The following HEPACAM2 variants were observed in gnomAD, a reference collection of about 807,000 sequenced individuals.
HEPACAM2 encodes HEPACAM family member 2.
A neutral mutation model predicts 49.6 loss-of-function variants in HEPACAM2; 49 were observed. That is an observed-to-expected ratio of 0.99 (90% CI 0.78 to 1.25). The LOEUF is 1.25. HEPACAM2 is among the 50% of genes most tolerant of loss of function. The pLI, the probability that HEPACAM2 is intolerant of heterozygous loss-of-function variation, is 0.00. For synonymous variants in HEPACAM2, 197 were observed against 202.9 expected, an observed-to-expected ratio of 0.97 and a Z score of 0.25; for missense variants, 525 against 557.2, an observed-to-expected ratio of 0.94 and a Z score of 0.58.
rs559625445 is a variant in HEPACAM2, at chr7:93,190,880, G to A, written c.1385+1374C>T. On this transcript the variant is annotated intron_variant, in intron 9 of 9. Transcript: ENST00000394468. ...ACAATTTTGACTTAAAATTTATTTCGTTCTTAATAACCTTAAAAGATAAAC... is the reference window on the plus strand; with the variant it reads ...ACAATTTTGACTTAAAATTTATTTCATTCTTAATAACCTTAAAAGATAAAC... Among the ~76,000 whole-genome samples the A allele has an allele frequency of 4.0e-5, 6 of 151,544 alleles. No individual in the cohort carries two copies. In the Middle Eastern group the frequency reaches 0.01, roughly 259 times the overall value.
At chr7:93,229,043 A>G (rs1794585663), upstream of HEPACAM2, among the ~76,000 whole-genome samples, 1 of 152,228 alleles carries the variant, frequency 6.6e-6, no homozygotes, top group Non-Finnish European at 1.5e-5. Flanking sequence ...TTTTAATCAC[A>G]AGTAGCTAGC....
chr7:93,214,347 TA>T (rs1370805445), intron 3 of HEPACAM2, among the ~76,000 whole-genome samples: 2 of 152,130 alleles, frequency 1.3e-5, no homozygotes, highest in Non-Finnish European at 2.9e-5. Flanking sequence ...AATTACCAAT[TA>T]ATGAGTCAAA....
chr7:93,231,066 G>A (rs1407849855), upstream of HEPACAM2, among the ~76,000 whole-genome samples: 2 of 152,126 alleles, frequency 1.3e-5, no homozygotes, highest in African/African-American at 4.8e-5. Context: ...GCTCTAAGGG[G>A]TGAGAAAATA....
intron 1 of HEPACAM2, among the ~76,000 whole-genome samples, chr7:93,225,686 T>C (rs1794525240): frequency 6.6e-6 from 1 of 152,094 alleles, no homozygotes; most frequent in African/African-American, 2.4e-5. Flanking sequence ...CAGACAGCAG[T>C]TGGAATGCTG....
At chr7:93,219,029 T>C in intron 2 of HEPACAM2, 72 bp downstream of exon 2, 1 of 1,302,478 alleles carries the variant, frequency 7.7e-7, no homozygotes, top group Non-Finnish European at 1.1e-6. Flanking sequence ...AAAGCCGAAG[T>C]AGTTTAGTCT....
intron 3 of HEPACAM2, among the ~76,000 whole-genome samples, chr7:93,209,134 C>T (rs1298003805): frequency 1.3e-5 from 2 of 151,944 alleles, no homozygotes; most frequent in Non-Finnish European, 2.9e-5. Flanking sequence ...AAGCCTGAAA[C>T]TTCATATACA....
chr7:93,215,753 C>A (rs1794294641), intron 2 of HEPACAM2, 68 bp from the exon 3 acceptor site: 2 of 1,469,480 alleles, frequency 1.4e-6, no homozygotes, highest in Non-Finnish European at 1.9e-6. Context: ...CCTATGAGGT[C>A]TTTCAAATAT....
chr7:93,195,260 C>A (rs2116632907), intron 8 of HEPACAM2, among the ~76,000 whole-genome samples: 1 of 152,246 alleles, frequency 6.6e-6, no homozygotes, highest in South Asian at 2.1e-4. Context: ...CAGGGTCTTA[C>A]TCTGCTGCCC....
chr7:93,197,731 GAC>G (rs1476220904), intron 4 of HEPACAM2, 121 bp from the exon 5 acceptor site: 8 of 658,438 alleles, frequency 1.2e-5, no homozygotes, highest in South Asian at 7.1e-5. Flanking sequence ...GTATATTAGA[GAC>G]ACACAGAGAG....
At chr7:93,204,370 CT>C in intron 4 of HEPACAM2, among the ~76,000 whole-genome samples, 1 of 148,512 alleles carries the variant, frequency 6.7e-6, no homozygotes, top group African/African-American at 2.5e-5. Context: ...ATCTATCTAT[CT>C]ATCATCTCTC....
chr7:93,208,588 G>A lies in HEPACAM2; in HGVS notation c.1004C>T (p.Thr335Ile). The A allele has an allele frequency of 6.2e-7, 1 of 1,612,204 alleles. No homozygotes were observed. The highest frequency in any genetic ancestry group is 8.5e-7 in the Non-Finnish European group (1 of 1,178,882). Residue 335 changes from threonine (T) to isoleucine (I), a missense_variant, in exon 4 of 10, where the codon ACT (threonine) becomes ATT (isoleucine). Physicochemically the swap from Thr to Ile is moderately conservative, Grantham distance 89 (BLOSUM62 -1). Coordinates refer to ENST00000394468, the MANE Select transcript of HEPACAM2 (RefSeq NM_001039372.4). ...TTGTATGTCACACATACCTACGGAAGTGATGATAACTGTGAAATGAGTTTC... is the reference window on the plus strand; with the variant it reads ...TTGTATGTCACACATACCTACGGAAATGATGATAACTGTGAAATGAGTTTC... Reference protein sequence around the residue: ...QDETHFTVIITSVGLEKLAQK... With the variant: ...QDETHFTVIIISVGLEKLAQK...
chr7:93,212,059 C>T (rs962978865), intron 3 of HEPACAM2, among the ~76,000 whole-genome samples: 1 of 151,966 alleles, frequency 6.6e-6, no homozygotes, highest in African/African-American at 2.4e-5. Flanking sequence ...GACCCTGCAG[C>T]ATAATGGAGT....
At chr7:93,219,488 G>A in intron 1 of HEPACAM2, 37 bp from the exon 2 acceptor site, 1 of 1,611,928 alleles carries the variant, frequency 6.2e-7, no homozygotes, top group East Asian at 2.2e-5. Context: ...AAGACCTTGA[G>A]CCACATTTCA....
intron 3 of HEPACAM2, among the ~76,000 whole-genome samples, chr7:93,213,464 A>G (rs1325561701): frequency 6.6e-6 from 1 of 152,020 alleles, no homozygotes; most frequent in Non-Finnish European, 1.5e-5. Flanking sequence ...TGATTTTGCT[A>G]AAGGTCAGGA....
chr7:93,200,563 C>G (rs1001015156), intron 4 of HEPACAM2, among the ~76,000 whole-genome samples: 1 of 151,956 alleles, frequency 6.6e-6, no homozygotes, highest in Non-Finnish European at 1.5e-5. Context: ...CAAGTAAGAT[C>G]GTTATTTACT....
chr7:93,230,498 A>T (rs1352524534), upstream of HEPACAM2, among the ~76,000 whole-genome samples: 1 of 152,232 alleles, frequency 6.6e-6, no homozygotes, highest in East Asian at 1.9e-4. Context: ...ATCACCCCTA[A>T]GATATGCTTT....
At chr7:93,214,536 T>A (rs1416593969) in intron 3 of HEPACAM2, among the ~76,000 whole-genome samples, 1 of 152,162 alleles carries the variant, frequency 6.6e-6, no homozygotes, top group Non-Finnish European at 1.5e-5. Flanking sequence ...GAAAGTTCAG[T>A]CTGTCAGCAA....
At chr7:93,220,129 C>T (rs1280182530) in intron 1 of HEPACAM2, among the ~76,000 whole-genome samples, 2 of 152,158 alleles carry the variant, frequency 1.3e-5, no homozygotes, top group Non-Finnish European at 2.9e-5. Context: ...GACAGACTGG[C>T]AGGACCTTAG....
intron 8 of HEPACAM2, among the ~76,000 whole-genome samples, 177 bp downstream of exon 8, chr7:93,195,651 C>A (rs1312118044): frequency 6.6e-6 from 1 of 152,160 alleles, no homozygotes; most frequent in Non-Finnish European, 1.5e-5. Context: ...AAGTAAGATG[C>A]TTTAGCTTCC....
Sources: gnomAD v4.1 joint callset for allele counts (sites outside exome capture counted in the v4.1 genomes callset) on GRCh38, gnomAD v4.1.1 for gene constraint, MANE v1.5 for transcripts, NCBI Gene and HGNC (gene_info 2026-07-23, HGNC 2026-07-21) for gene names.